RANBP10: variants seen among roughly 807,000 people sequenced by gnomAD.
RANBP10 encodes ran-binding protein 10.
RANBP10 carries 24 observed loss-of-function variants against 72.8 expected under a neutral mutation model. The observed-to-expected ratio is 0.33, with a 90% CI of 0.24 to 0.46. RANBP10 has a LOEUF of 0.46. RANBP10 is among the 20% of genes least tolerant of loss of function. RANBP10 has a pLI of 1.00. For synonymous variants in RANBP10, 310 were observed against 322.3 expected (o/e 0.96, Z 0.41); for missense variants, 679 against 817.5 (o/e 0.83, Z 2.07).
At chr16:67,726,667 A>C (rs1228188011) in intron 13 of RANBP10, 109 bp from the exon 14 acceptor site, 3 of 1,314,172 alleles carry the variant, frequency 2.3e-6, no homozygotes, top group Non-Finnish European at 3.1e-6. Flanking sequence ...CTCTTGGAAC[A>C]GAGTGTTCAG....
In RANBP10 at chr16:67,729,277, C is replaced by G; in HGVS notation, c.1352+3G>C. On this transcript the variant is annotated splice_donor_region_variant and intron_variant, in intron 10 of 13. Coordinates refer to ENST00000317506, the MANE Select transcript of RANBP10 (RefSeq NM_020850.3). The surrounding 1 kb of genome is among the most constrained non-coding windows in gnomAD (Gnocchi z 7.1). ...AGAGGAGGAAGCAGAGCAAGGCAGG[C>G]ACCTGGTCTCCTGGTTACTGGTACT... is the stretch of plus-strand genomic sequence containing the variant. 1 of 1,611,788 alleles carries G rather than the reference C, an allele frequency of 6.2e-7. No homozygotes were observed. The highest frequency in any genetic ancestry group is 8.5e-7 in the Non-Finnish European group (1 of 1,179,586).
intron 3 of RANBP10, among the ~76,000 whole-genome samples, chr16:67,767,152 T>C (rs755967952): frequency 1.2e-4 from 19 of 152,028 alleles, no homozygotes; most frequent in Non-Finnish European, 2.1e-4. Context: ...AGAGGTTAAG[T>C]CTCATATTGT....
chr16:67,745,696 CCA>C (rs1272362071), intron 3 of RANBP10, among the ~76,000 whole-genome samples: 1 of 151,206 alleles, frequency 6.6e-6, no homozygotes, highest in Non-Finnish European at 1.5e-5. Context: ...AGTTGCATTA[CCA>C]CCACCACGAT....
intron 2 of RANBP10, among the ~76,000 whole-genome samples, chr16:67,787,391 C>T (rs999404398): frequency 6.6e-6 from 1 of 152,024 alleles, no homozygotes; most frequent in Admixed American, 6.6e-5. Flanking sequence ...TAAATGTTGG[C>T]AAGGATGTAA....
chr16:67,801,187 TC>T (rs1229473096), intron 2 of RANBP10, among the ~76,000 whole-genome samples: 1 of 152,134 alleles, frequency 6.6e-6, no homozygotes, highest in Non-Finnish European at 1.5e-5. Flanking sequence ...TGTACTCAAA[TC>T]TACAGAAAAG....
intron 10 of RANBP10, 187 bp from the exon 11 acceptor site, chr16:67,728,698 G>C: frequency 9.0e-7 from 1 of 1,108,508 alleles, no homozygotes; most frequent in Non-Finnish European, 1.3e-6. Flanking sequence ...GCTATCCTCA[G>C]AGGCCTGTCA....
chr16:67,726,692 T>C lies in RANBP10; in HGVS notation c.1733-134A>G, dbSNP rs2053608450. On this transcript the variant is annotated intron_variant, in intron 13 of 13. Transcript: ENST00000317506. ...AGAGTGTTCAGTACCTCTGTGTAAGTGTGTCCCAGCCACCAGGCCATGGCC... is the reference window on the plus strand; with the variant it reads ...AGAGTGTTCAGTACCTCTGTGTAAGCGTGTCCCAGCCACCAGGCCATGGCC... 6 of 1,138,594 alleles carry C rather than the reference T, an allele frequency of 5.3e-6. No individual in the cohort carries two copies. In the East Asian group the frequency reaches 1.3e-4, roughly 25 times the overall value. The allele number at this position is 1,138,594 out of a possible 1,614,324, so 70.5% of individuals were successfully genotyped here.
At chr16:67,727,146 T>C (rs562439460) in intron 13 of RANBP10, among the ~76,000 whole-genome samples, 181 bp downstream of exon 13, 9 of 152,164 alleles carry the variant, frequency 5.9e-5, no homozygotes, top group Non-Finnish European at 8.8e-5. Context: ...ATACAACAAC[T>C]AGCCAGGCGT....
chr16:67,727,428 C>T lies in RANBP10; in HGVS notation c.1631G>A (p.Ser544Asn). Reference sequence around the variant, plus strand: ...CCAGGGGTCTGAGTATGCCAGCAGGCTGAAGGCATCCTACAGGACAGGGCA... The same window carrying T: ...CCAGGGGTCTGAGTATGCCAGCAGGTTGAAGGCATCCTACAGGACAGGGCA... ...AHTEMLQDAF[S>N]LLAYSDPWSC... Residue 544 changes from serine to asparagine, a missense_variant, in exon 13 of 14, where the codon AGC becomes AAC. By Grantham distance (46) the Ser-to-Asn change is conservative. Transcript: ENST00000317506. 6.2e-7 allele frequency: 1 copy of T among 1,613,358 alleles called. No homozygotes were observed. The highest frequency in any genetic ancestry group is 1.1e-5 in the South Asian group (1 of 91,018).
intron 3 of RANBP10, among the ~76,000 whole-genome samples, chr16:67,749,842 T>G (rs544146206): frequency 6.6e-6 from 1 of 152,190 alleles, no homozygotes; most frequent in South Asian, 2.1e-4. Context: ...TGGACAGCAG[T>G]GAGGAGCAAA....
At chr16:67,735,512 T>C (rs2053826755) in intron 5 of RANBP10, 1 of 152,972 alleles carries the variant, frequency 6.5e-6, no homozygotes, top group Admixed American at 6.5e-5. Flanking sequence ...CCCAGCACTT[T>C]GGGAGGCCAA....
chr16:67,805,527 T>G lies in RANBP10; in HGVS notation c.248A>C (p.Asn83Thr), dbSNP rs769137698. Residue 83 changes from asparagine (N) to threonine (T), a missense_variant, in exon 2 of 14, where the codon AAT (asparagine) becomes ACT (threonine). Asn to Thr is a moderately conservative substitution (Grantham distance 65). Coordinates refer to ENST00000317506, the MANE Select transcript of RANBP10 (RefSeq NM_020850.3). ...LRVHYKGHGKNHKDAASVRAT... is the reference protein window; with the variant it reads ...LRVHYKGHGKTHKDAASVRAT... The stretch of plus-strand genomic sequence containing the variant: ...ACGCACTGAGGCCGCATCTTTGTGA[T>G]TTTTGCCATGACCTAACAGGAGAGG... 17 of 1,613,946 alleles carry G rather than the reference T, an allele frequency of 1.1e-5. No homozygotes were observed. The South Asian group carries it at 1.9e-4, about 18-fold the overall frequency.
chr16:67,744,170 T>G, intron 4 of RANBP10, 118 bp downstream of exon 4: 1 of 1,493,818 alleles, frequency 6.7e-7, no homozygotes, highest in East Asian at 2.3e-5. Context: ...TGCCTGGAAA[T>G]GGTGCGGTAC....
At chr16:67,787,901 C>T (rs144322812) in intron 2 of RANBP10, among the ~76,000 whole-genome samples, 7,131 of 152,102 alleles carry the variant, frequency 0.047, 479 homozygotes, top group African/African-American at 0.15. Flanking sequence ...TGCAGTGGTG[C>T]GATCTTGGCT....
chr16:67,781,533 G>A (rs916709933), intron 2 of RANBP10, among the ~76,000 whole-genome samples: 3 of 152,082 alleles, frequency 2.0e-5, no homozygotes, highest in East Asian at 1.9e-4. Flanking sequence ...AATTATTTAC[G>A]CTATGACACA....
intron 3 of RANBP10, among the ~76,000 whole-genome samples, chr16:67,759,062 C>T (rs2054344901): frequency 6.6e-6 from 1 of 152,220 alleles, no homozygotes; most frequent in Admixed American, 6.5e-5. Context: ...TGGACCACAG[C>T]GTCCTGCAGC....
At chr16:67,747,219 T>A (rs2054099768) in intron 3 of RANBP10, among the ~76,000 whole-genome samples, 1 of 152,196 alleles carries the variant, frequency 6.6e-6, no homozygotes, top group Non-Finnish European at 1.5e-5. Context: ...TTTGGCCTTT[T>A]AGTGTATATA....
intron 3 of RANBP10, among the ~76,000 whole-genome samples, chr16:67,754,400 T>C (rs750456216): frequency 3.6e-4 from 55 of 152,224 alleles, no homozygotes; most frequent in Non-Finnish European, 1.8e-4. Context: ...ATACATACAA[T>C]GGTTTTCTGT....
intron 5 of RANBP10, among the ~76,000 whole-genome samples, chr16:67,737,329 G>C (rs2053871920): frequency 6.6e-6 from 1 of 151,044 alleles, no homozygotes. Context: ...GCCTCCCGAG[G>C]AGCTGGGACT....
Sources: allele counts gnomAD v4.1 joint callset (sites outside exome capture counted in the v4.1 genomes callset), GRCh38; gene constraint gnomAD v4.1.1; non-coding constraint Gnocchi (gnomAD v3.1); transcripts MANE v1.5; gene names NCBI Gene and HGNC (gene_info 2026-07-23, HGNC 2026-07-21).